The following ABCA10 variants were observed in gnomAD, a reference collection of about 807,000 sequenced individuals.
The protein encoded by ABCA10 is ATP binding cassette subfamily A member 10, also known as ATP-binding cassette sub-family A member 10.
Under a neutral mutation model 187.5 loss-of-function variants are expected in ABCA10, and 169 were observed. The ratio of observed to expected loss-of-function variants is 0.90; its 90% CI spans 0.80 to 1.02. ABCA10 has a LOEUF of 1.02. Among genes scored for constraint, ABCA10 ranks in the 50% least tolerant of loss-of-function variants. The probability of loss-of-function intolerance (pLI) is 0.00; values close to 1 mark genes in which losing one functional copy is unlikely to be tolerated. For missense variants in ABCA10, 1,727 were observed against 1,812.4 expected, an observed-to-expected ratio of 0.95 and a Z score of 0.86; for synonymous variants, 574 against 601.8, an observed-to-expected ratio of 0.95 and a Z score of 0.68.
chr17:69,149,117 C>A (rs1186721240), intron 37 of ABCA10, 29 bp from the exon 38 acceptor site: 31 of 1,612,062 alleles, frequency 1.9e-5, no homozygotes, highest in Non-Finnish European at 2.5e-5. Flanking sequence ...ACATTAGTGG[C>A]TTATATATTT....
At position 69,152,622 on chromosome 17, in the gene ABCA10, C is replaced by T. The variant is rs546646532; in HGVS notation, c.4137-141G>A. 2.4e-5 allele frequency: 30 copies of T among 1,253,262 alleles called. No individual in the cohort carries two copies. The East Asian group carries it at 7.6e-4, about 32-fold the overall frequency. 77.6% of individuals were successfully genotyped at this position (1,253,262 alleles called of 1,614,324 possible). On this transcript the variant is annotated intron_variant, in intron 34 of 38. Transcript: ENST00000690296. ...GCAACATGGTGAAACCCCATCTCCA[C>T]AAAAAAATTTAAAAATTAGCCAGGC...
intron 1 of ABCA10, chr17:69,244,196 A>G (rs1169481891): frequency 1.3e-5 from 2 of 152,180 alleles, no homozygotes; most frequent in African/African-American, 4.8e-5. Context: ...AAAAAGATCT[A>G]TAAACATACC....
rs2074700563 is a variant in ABCA10 at position 69,215,969 on chromosome 17, A to G, written c.704T>C (p.Ile235Thr). The change falls in exon 8 of 39, where the codon ATA becomes ACA. Residue 235 changes from isoleucine to threonine, a missense_variant. By Grantham distance (89) the Ile-to-Thr change is moderately conservative. Transcript: ENST00000690296. ...CAAACCAGCGAGCATAGGTTTCCTTATTAAAACACTCATGAGGAAAGCCAA... is the reference window on the plus strand; with the variant it reads ...CAAACCAGCGAGCATAGGTTTCCTTGTTAAAACACTCATGAGGAAAGCCAA... ...IALAFLMSVL[I>T]RKPMLAGLAG... 1 of 1,613,184 alleles carries G rather than the reference A, an allele frequency of 6.2e-7. No individual in the cohort carries two copies. Among genetic ancestry groups the G allele is most frequent in the Non-Finnish European group, 8.5e-7 (1 of 1,179,778 alleles).
In ABCA10 at chr17:69,163,037, A is replaced by G. The variant is rs143710098; in HGVS notation, c.3363+1037T>C. Among the ~76,000 whole-genome samples, 1,358 of 152,072 alleles carry G rather than the reference A, an allele frequency of 8.9e-3. 9 individuals are homozygous for G. Among genetic ancestry groups the G allele is most frequent in the Middle Eastern group, 0.017 (5 of 294 alleles). Reference sequence around the variant, plus strand: ...ATTTTTGTAGAGATGCGGTTTCACCATGTTGCCCAGGCTGGTCTTGAATTC... The same window carrying G: ...ATTTTTGTAGAGATGCGGTTTCACCGTGTTGCCCAGGCTGGTCTTGAATTC... On this transcript the variant is annotated intron_variant, in intron 27 of 38. Transcript: ENST00000690296.
At chr17:69,240,691 A>G (rs1409320763) in intron 1 of ABCA10, among the ~76,000 whole-genome samples, 2 of 152,204 alleles carry the variant, frequency 1.3e-5, no homozygotes, top group African/African-American at 4.8e-5. Context: ...CTACATCATC[A>G]AGCCTCCAAG....
chr17:69,178,259 T>C (rs2074352405), intron 22 of ABCA10, among the ~76,000 whole-genome samples: 1 of 151,896 alleles, frequency 6.6e-6, no homozygotes, highest in African/African-American at 2.4e-5. Flanking sequence ...AATGAGGTTA[T>C]TAAGAGAAGT....
At position 69,185,563 on chromosome 17, in the gene ABCA10, C is replaced by G; in HGVS notation, c.2411G>C (p.Trp804Ser). 6.2e-7 allele frequency: 1 copy of G among 1,612,798 alleles called. No individual in the cohort carries two copies. Among genetic ancestry groups the G allele is most frequent in the Non-Finnish European group, 8.5e-7 (1 of 1,179,040 alleles). Residue 804 changes from tryptophan to serine, a missense_variant, in exon 20 of 39, where the codon TGG becomes TCG. Physicochemically the swap from Trp to Ser is radical, Grantham distance 177. Transcript: ENST00000690296. Reference sequence around the variant, plus strand: ...GAAATACATACTGGGTGAAAACTCCCAACAATGAGTTTCACGAGTTACTTT... The same window carrying G: ...GAAATACATACTGGGTGAAAACTCCGAACAATGAGTTTCACGAGTTACTTT... ...MYKVTRETHC[W>S]EFSPSMYFLS...
intron 9 of ABCA10, among the ~76,000 whole-genome samples, chr17:69,213,823 C>G (rs1385049945): frequency 1.3e-5 from 2 of 152,178 alleles, no homozygotes; most frequent in African/African-American, 2.4e-5. Context: ...AAAGTTATTA[C>G]AAAATTCAGC....
At chr17:69,193,377 G>T in intron 14 of ABCA10, 116 bp downstream of exon 14, 2 of 1,499,214 alleles carry the variant, frequency 1.3e-6, no homozygotes, top group Non-Finnish European at 1.8e-6. Flanking sequence ...AAGCTTGCAT[G>T]GTACTTTATT....
chr17:69,159,711 A>T (rs2074200339), intron 27 of ABCA10, among the ~76,000 whole-genome samples: 1 of 152,154 alleles, frequency 6.6e-6, no homozygotes, highest in East Asian at 1.9e-4. Context: ...AATCATTCCC[A>T]AGTTGTTCCA....
chr17:69,174,607 C>G lies in ABCA10; in HGVS notation c.3048G>C (p.Leu1016Phe), dbSNP rs758629091. 43 of 1,586,188 alleles carry G rather than the reference C, an allele frequency of 2.7e-5. No individual in the cohort carries two copies. The highest frequency in any genetic ancestry group is 3.6e-5 in the Non-Finnish European group (42 of 1,169,766). The change falls in exon 24 of 39, where the codon TTG becomes TTC. Residue 1016 changes from leucine to phenylalanine, a missense_variant and splice_region_variant. Coordinates refer to ENST00000690296, the MANE Select transcript of ABCA10 (RefSeq NM_001377321.1). ...FQLSWELMFVLVVCIIGCAVS... is the reference protein window; with the variant it reads ...FQLSWELMFVFVVCIIGCAVS... ...GCTTGTGGAAAAAATGATCACTTACCAAAACAAACATGAGTTCCCATGAAA... is the reference window on the plus strand; with the variant it reads ...GCTTGTGGAAAAAATGATCACTTACGAAAACAAACATGAGTTCCCATGAAA...
At position 69,153,382 on chromosome 17, in the gene ABCA10, G is replaced by T. The variant is rs1283129220; in HGVS notation, c.4059C>A (p.Ser1353Arg). ...GIKRKLCFVL[S>R]ILGNPSVVLL... is the part of the protein sequence containing the mutation. ...GCACCACTGATGGGTTCCCCAGGAT[G>T]CTCAGCACAAAGCACAGCTGCAATG... The change falls in exon 34 of 39, where the codon AGC becomes AGA. Residue 1353 changes from serine (S) to arginine (R), a missense_variant. Physicochemically the swap from Ser to Arg is moderately radical, Grantham distance 110. Coordinates refer to ENST00000690296, the MANE Select transcript of ABCA10 (RefSeq NM_001377321.1). The T allele has an allele frequency of 1.2e-6, 2 of 1,613,590 alleles. No homozygotes were observed. Among genetic ancestry groups the T allele is most frequent in the African/African-American group, 1.3e-5 (1 of 74,920 alleles).
At chr17:69,210,414 C>A (rs1203116478) in intron 9 of ABCA10, among the ~76,000 whole-genome samples, 1 of 151,262 alleles carries the variant, frequency 6.6e-6, no homozygotes, top group Non-Finnish European at 1.5e-5. Context: ...TGGTCTCGAT[C>A]TCCTGACCTC....
intron 23 of ABCA10, among the ~76,000 whole-genome samples, chr17:69,174,983 T>C (rs985836576): frequency 4.6e-5 from 7 of 152,178 alleles, no homozygotes; most frequent in African/African-American, 1.7e-4. Flanking sequence ...TTAAAGTTAA[T>C]TTACCCATTG....
intron 27 of ABCA10, 53 bp downstream of exon 27, chr17:69,164,021 C>A (rs1001937025): frequency 1.5e-6 from 2 of 1,359,624 alleles, no homozygotes; most frequent in Non-Finnish European, 2.0e-6. Flanking sequence ...TAAGATTTCA[C>A]GGGGCTATGA....
At chr17:69,174,824 G>A in intron 23 of ABCA10, 47 bp from the exon 24 acceptor site, 1 of 1,439,428 alleles carries the variant, frequency 6.9e-7, no homozygotes, top group Non-Finnish European at 9.2e-7. Flanking sequence ...AGTTTGAAAA[G>A]ATTTTGTGGT....
At chr17:69,151,570 T>A (rs2074128335) in intron 36 of ABCA10, among the ~76,000 whole-genome samples, 1 of 152,168 alleles carries the variant, frequency 6.6e-6, no homozygotes, top group South Asian at 2.1e-4. Context: ...GTTGACCACA[T>A]ACAACTTTAA....
chr17:69,215,738 C>A, intron 8 of ABCA10, 77 bp downstream of exon 8: 1 of 1,265,284 alleles, frequency 7.9e-7, no homozygotes. Flanking sequence ...TATTAAATTT[C>A]ATGAGGCACC....
intron 10 of ABCA10, 74 bp downstream of exon 10, chr17:69,201,426 C>A: frequency 3.9e-6 from 5 of 1,273,766 alleles, no homozygotes; most frequent in East Asian, 2.6e-5. Context: ...TAATCTATAT[C>A]AACATTTGAC....
Sources: gnomAD v4.1 joint callset for allele counts (sites outside exome capture counted in the v4.1 genomes callset) on GRCh38, gnomAD v4.1.1 for gene constraint, MANE v1.5 for transcripts, NCBI Gene and HGNC (gene_info 2026-07-23, HGNC 2026-07-21) for gene names.